Variants in CPLX1 observed in about 807,000 individuals in gnomAD.
CPLX1 encodes complexin 1.
In CPLX1, 6 loss-of-function variants were observed where a neutral mutation model predicts 15.6. The observed-to-expected ratio is 0.39, with a 90% CI of 0.21 to 0.76. The LOEUF (loss-of-function observed/expected upper bound fraction) is 0.76. Ranked by LOEUF, CPLX1 falls within the 30% of genes least tolerant of loss-of-function variation. CPLX1 has a pLI of 0.43. For synonymous variants in CPLX1, 91 were observed against 75.2 expected, an observed-to-expected ratio of 1.21 and a Z score of -1.08; for missense variants, 242 against 188.6, an observed-to-expected ratio of 1.28 and a Z score of -1.66.
At chr4:796,199 C>T (rs1746334975) in intron 2 of CPLX1, among the ~76,000 whole-genome samples, 2 of 152,182 alleles carry the variant, frequency 1.3e-5, no homozygotes, top group African/African-American at 4.8e-5. Context: ...ATTTTTAAAG[C>T]TTCATTTTGA....
At position 792,952 on chromosome 4, in the gene CPLX1, G is replaced by A. The variant is rs184367903; in HGVS notation, c.32-344C>T. ...ATGCGTACGTGTGGCTGTTGTGGTT[G>A]TGTTTGTGTGTGCACCACGTGGTCG... On this transcript the variant is annotated intron_variant, in intron 2 of 3. Coordinates refer to ENST00000304062, the MANE Select transcript of CPLX1 (RefSeq NM_006651.4). 8.2e-4 allele frequency among the ~76,000 whole-genome samples: 125 copies of A among 152,292 alleles called. 1 individual carries two copies. The East Asian group carries it at 0.02, about 24-fold the overall frequency.
chr4:799,000 TA>T, intron 2 of CPLX1, among the ~76,000 whole-genome samples: 1 of 152,206 alleles, frequency 6.6e-6, no homozygotes. Flanking sequence ...TATTATGAGA[TA>T]TATATATATG....
At chr4:789,317 G>A (rs1746096191) in intron 3 of CPLX1, among the ~76,000 whole-genome samples, 1 of 152,042 alleles carries the variant, frequency 6.6e-6, no homozygotes, top group African/African-American at 2.4e-5. Flanking sequence ...GAGGATGGGA[G>A]TGGCTGCTGG....
chr4:787,713 C>CT (rs1199541695), intron 3 of CPLX1: 23 of 985,082 alleles, frequency 2.3e-5, no homozygotes, highest in Middle Eastern at 5.2e-4. Context: ...CTCCAGGCCT[C>CT]TAAGTTTTTG....
chr4:787,518 A>G, intron 3 of CPLX1: 1 of 641,358 alleles, frequency 1.6e-6, no homozygotes, highest in Non-Finnish European at 1.9e-6. Flanking sequence ...CCTCAAGTCC[A>G]GTGAGAGTGT....
intron 2 of CPLX1, among the ~76,000 whole-genome samples, chr4:795,127 C>G (rs181579010): frequency 6.6e-6 from 1 of 150,770 alleles, no homozygotes; most frequent in Non-Finnish European, 1.5e-5. Context: ...GCCGCCCACG[C>G]CCCCCCGCTT....
At chr4:794,250 G>A (rs995197421) in intron 2 of CPLX1, among the ~76,000 whole-genome samples, 3 of 152,254 alleles carry the variant, frequency 2.0e-5, no homozygotes, top group Non-Finnish European at 2.9e-5. Flanking sequence ...TCCTGCAGGC[G>A]CCGCCGACTG....
intron 3 of CPLX1, among the ~76,000 whole-genome samples, chr4:790,635 C>G (rs556014897): frequency 3.5e-4 from 54 of 152,246 alleles, no homozygotes; most frequent in African/African-American, 1.3e-3. Context: ...GCCAGCGTCC[C>G]TCTAGGATCA....
At position 786,666 on chromosome 4, in the gene CPLX1, G is replaced by C. The variant is rs1343019083; in HGVS notation, c.240C>G (p.Ala80=). Residue 80 remains alanine, a synonymous_variant, in exon 4 of 4, where the codon GCC becomes GCG. Coordinates refer to ENST00000304062, the MANE Select transcript of CPLX1 (RefSeq NM_006651.4). ...YGIKKKEERE[A]EAQAAMEANS... ...TGGCCTCCATGGCGGCCTGGGCCTCGGCCTCGCGCTCCTCCTTCTTCTTGA... is the reference window on the plus strand; with the variant it reads ...TGGCCTCCATGGCGGCCTGGGCCTCCGCCTCGCGCTCCTCCTTCTTCTTGA... 12 of 1,610,776 alleles carry C rather than the reference G, an allele frequency of 7.4e-6. No individual in the cohort carries two copies. The highest frequency in any genetic ancestry group is 5.9e-6 in the Non-Finnish European group (7 of 1,178,634).
chr4:819,679 G>A (rs1368757484), intron 2 of CPLX1, among the ~76,000 whole-genome samples: 2 of 152,204 alleles, frequency 1.3e-5, no homozygotes, highest in Non-Finnish European at 2.9e-5. Flanking sequence ...CCCGGCCTCT[G>A]TTTGGAGTAG....
At chr4:788,895 C>T (rs1283443372) in intron 3 of CPLX1, among the ~76,000 whole-genome samples, 2 of 152,186 alleles carry the variant, frequency 1.3e-5, no homozygotes, top group East Asian at 1.9e-4. Context: ...CCTGTAACGG[C>T]GGAACATGAG....
In CPLX1 at chr4:824,479, T is replaced by C. The variant is rs1560248919; in HGVS notation, c.31+13A>G. 1 of 1,580,406 alleles carries C rather than the reference T, an allele frequency of 6.3e-7. No homozygotes were observed. The highest frequency in any genetic ancestry group is 1.7e-5 in the Admixed American group (1 of 59,926). On this transcript the variant is annotated intron_variant, in intron 2 of 3. Coordinates refer to ENST00000304062, the MANE Select transcript of CPLX1 (RefSeq NM_006651.4). ...CCCCTCAGCCCCTCCCCACCCCACCTCCCGCTTCCTACCTCCTAGAGCCTG... is the reference window on the plus strand; with the variant it reads ...CCCCTCAGCCCCTCCCCACCCCACCCCCCGCTTCCTACCTCCTAGAGCCTG...
At position 792,472 on chromosome 4, in the gene CPLX1, C is replaced by T. The variant is rs755432411; in HGVS notation, c.168G>A (p.Glu56=). 2 of 1,611,266 alleles carry T rather than the reference C, an allele frequency of 1.2e-6. No homozygotes were observed. The highest frequency in any genetic ancestry group is 1.1e-5 in the South Asian group (1 of 90,998). Residue 56 remains glutamate, a synonymous_variant, in exon 3 of 4, where the codon GAG becomes GAA. Transcript: ENST00000304062. ...CCTGGCGCACGGCCTCGCGCTCCGC[C>T]TCCATCTTGGCGTACTTGGCCTTGC... ...EERKAKYAKM[E]AEREAVRQGI... is the part of the protein sequence containing the mutation.
intron 2 of CPLX1, among the ~76,000 whole-genome samples, chr4:817,294 C>T (rs1466898088): frequency 1.3e-5 from 2 of 151,108 alleles, no homozygotes; most frequent in Admixed American, 1.3e-4. Context: ...TGGCTCACGC[C>T]TGTAATCCCA....
chr4:814,738 A>T (rs1443947135), intron 2 of CPLX1, among the ~76,000 whole-genome samples: 1 of 152,268 alleles, frequency 6.6e-6, no homozygotes, highest in Non-Finnish European at 1.5e-5. Context: ...TCCCTGTGCC[A>T]GAGTGATGGC....
rs552498733 is a variant in CPLX1 at position 792,178 on chromosome 4, G to T, written c.207+255C>A. On this transcript the variant is annotated intron_variant, in intron 3 of 3. Transcript: ENST00000304062. ...CCAGCCAGGCTCCACGCAGGGCTGC[G>T]CATCGGAATGCGGGCCTAGGAAGCC... 2.0e-3 allele frequency among the ~76,000 whole-genome samples: 311 copies of T among 152,342 alleles called. 3 individuals carry two copies. Among genetic ancestry groups the T allele is most frequent in the Non-Finnish European group, 1.9e-4 (13 of 68,032 alleles).
At chr4:822,939 CT>C (rs1222888295) in intron 2 of CPLX1, among the ~76,000 whole-genome samples, 1 of 152,232 alleles carries the variant, frequency 6.6e-6, no homozygotes, top group East Asian at 1.9e-4. Context: ...CCCCCAGGGT[CT>C]GCTGGCTGCC....
At chr4:787,156 T>C (rs1215891863) in intron 3 of CPLX1, 5 of 985,272 alleles carry the variant, frequency 5.1e-6, no homozygotes, top group Non-Finnish European at 6.0e-6. Flanking sequence ...CTCCCGGGCC[T>C]GGCCAAGGCT....
At chr4:812,219 C>T (rs139214185) in intron 2 of CPLX1, among the ~76,000 whole-genome samples, 6 of 152,132 alleles carry the variant, frequency 3.9e-5, no homozygotes, top group South Asian at 4.2e-4. Flanking sequence ...GGACTACAGG[C>T]GCCCGCCACC....
Sources: allele counts gnomAD v4.1 joint callset (sites outside exome capture counted in the v4.1 genomes callset), GRCh38; gene constraint gnomAD v4.1.1; transcripts MANE v1.5; gene names NCBI Gene and HGNC (gene_info 2026-07-23, HGNC 2026-07-21).